Variants in PALM3 observed in about 807,000 individuals in gnomAD.
PALM3 encodes paralemmin 3, also known as paralemmin-3.
PALM3 carries 20 observed loss-of-function variants against 27.9 expected under a neutral mutation model. That is an observed-to-expected ratio of 0.72 (90% confidence interval 0.50 to 1.04). The LOEUF is 1.04. Among genes scored for constraint, PALM3 ranks in the 50% least tolerant of loss-of-function variants. The pLI, the probability that PALM3 is intolerant of heterozygous loss-of-function variation, is 0.00. For synonymous variants in PALM3, 328 were observed against 352.7 expected (o/e 0.93, Z 0.79); for missense variants, 814 against 869.4 (o/e 0.94, Z 0.80).
Position 14,053,424 on chromosome 19 carries a change from G to T in PALM3, c.*181C>A. 1 of 581,512 alleles carries T rather than the reference G, an allele frequency of 1.7e-6. No individual in the cohort carries two copies. The highest frequency in any genetic ancestry group is 2.8e-6 in the Non-Finnish European group (1 of 361,810). 36.0% of individuals were successfully genotyped at this position (581,512 alleles called of 1,614,324 possible). On this transcript the variant is annotated 3_prime_UTR_variant, in exon 7 of 7. Transcript: ENST00000669674. Reference sequence around the variant, plus strand: ...AAGGCTTCATCGCAGAAGGAGGCCAGGGTTACAGGCAGTGGGCAAGGGGTC... The same window carrying T: ...AAGGCTTCATCGCAGAAGGAGGCCATGGTTACAGGCAGTGGGCAAGGGGTC...
intron 1 of PALM3, among the ~76,000 whole-genome samples, 161 bp from the exon 2 acceptor site, chr19:14,059,324 A>G (rs1263043372): frequency 1.3e-5 from 2 of 151,918 alleles, no homozygotes; most frequent in Non-Finnish European, 2.9e-5. Context: ...GGGTCTTGGG[A>G]GGGGAACTGA....
intron 1 of PALM3, among the ~76,000 whole-genome samples, chr19:14,060,911 C>A (rs1020857327): frequency 3.3e-5 from 5 of 152,148 alleles, no homozygotes; most frequent in Non-Finnish European, 7.3e-5. Flanking sequence ...CAGGCGTGCA[C>A]CACCAAGCCC....
Position 14,054,216 on chromosome 19 carries a change from C to T in PALM3, c.1456G>A (p.Asp486Asn). 1 of 1,551,902 alleles carries T rather than the reference C, an allele frequency of 6.4e-7. No homozygotes were observed. Among genetic ancestry groups the T allele is most frequent in the Non-Finnish European group, 8.7e-7 (1 of 1,147,058 alleles). Residue 486 changes from aspartate to asparagine, a missense_variant, in exon 7 of 7, where the codon GAT becomes AAT. Transcript: ENST00000669674. The stretch of plus-strand genomic sequence containing the variant: ...TCCTCTGCCCCTCGCTTTTCCTCAT[C>T]TCCTTCCTTCTCTGCCCTCAAATGT... ...EGHLRAEKEGDEEKRGAEEEE... is the reference protein window; with the variant it reads ...EGHLRAEKEGNEEKRGAEEEE...
In PALM3 at chr19:14,054,322, C is replaced by T. The variant is rs1377844328; in HGVS notation, c.1350G>A (p.Glu450=). ...CCAGCTTTTCTGCACTTCCTCTGCTCTCCAGCTCCAACTTCTTCTCTCCTC... is the reference window on the plus strand; with the variant it reads ...CCAGCTTTTCTGCACTTCCTCTGCTTTCCAGCTCCAACTTCTTCTCTCCTC... ...RKGGEKKLEL[E]SRGSAEKLGT... is the part of the protein sequence containing the mutation. The change falls in exon 7 of 7, where the codon GAG becomes GAA. Residue 450 remains glutamate, a synonymous_variant. Transcript: ENST00000669674. The T allele has an allele frequency of 1.3e-6, 2 of 1,552,286 alleles. No homozygotes were observed. The highest frequency in any genetic ancestry group is 1.7e-6 in the Non-Finnish European group (2 of 1,147,144).
intron 1 of PALM3, among the ~76,000 whole-genome samples, chr19:14,060,923 G>A (rs959448800): frequency 6.6e-6 from 1 of 152,140 alleles, no homozygotes; most frequent in Non-Finnish European, 1.5e-5. Context: ...ACCAAGCCCG[G>A]CTAATTTTTG....
intron 3 of PALM3, chr19:14,057,025 A>C (rs1018734504): frequency 1.7e-6 from 1 of 599,934 alleles, no homozygotes; most frequent in Admixed American, 3.2e-5. Context: ...GCACTTCCAA[A>C]GTGAAATCAA....
In PALM3 at chr19:14,054,377, G is replaced by C; in HGVS notation, c.1295C>G (p.Ala432Gly). The change falls in exon 7 of 7, where the codon GCG becomes GGG. Residue 432 changes from alanine (A) to glycine (G), a missense_variant. Transcript: ENST00000669674. ...EEKPGTGRDEAEMSPVVERKG... is the reference protein window; with the variant it reads ...EEKPGTGRDEGEMSPVVERKG... ...CCTCTCTACCACTGGTGACATCTCC[G>C]CTTCATCCCTCCCTGTCCCTGGCTT... 6.4e-7 allele frequency: 1 copy of C among 1,551,694 alleles called. No homozygotes were observed. Among genetic ancestry groups the C allele is most frequent in the Non-Finnish European group, 8.7e-7 (1 of 1,147,026 alleles).
Position 14,054,267 on chromosome 19 carries a change from G to A in PALM3, c.1405C>T (p.Leu469=). Residue 469 remains leucine (L), a synonymous_variant, in exon 7 of 7, where the codon CTG becomes TTG. Transcript: ENST00000669674. Reference sequence around the variant, plus strand: ...CCCTCAACTTTTCTCTCTATGCCCAGTGGTTCCTCACCTCCTTCCCTCTCT... The same window carrying A: ...CCCTCAACTTTTCTCTCTATGCCCAATGGTTCCTCACCTCCTTCCCTCTCT... ...GTEREGGEEP[L]GIERKVEGHL... 1 of 1,551,734 alleles carries A rather than the reference G, an allele frequency of 6.4e-7. No homozygotes were observed.
chr19:14,061,449 G>A (rs1414969060), intron 1 of PALM3, among the ~76,000 whole-genome samples: 1 of 152,150 alleles, frequency 6.6e-6, no homozygotes, highest in Non-Finnish European at 1.5e-5. Context: ...GAAGAACAAC[G>A]TAGGCGGCCT....
intron 5 of PALM3, 125 bp downstream of exon 5, chr19:14,056,304 G>T (rs1199636737): frequency 4.3e-5 from 40 of 939,076 alleles, no homozygotes; most frequent in Non-Finnish European, 6.0e-5. Context: ...AAAGCGGGAA[G>T]CGGATCTGAA....
chr19:14,057,936 C>T (rs904243715), intron 2 of PALM3, among the ~76,000 whole-genome samples: 1 of 152,064 alleles, frequency 6.6e-6, no homozygotes, highest in African/African-American at 2.4e-5. Flanking sequence ...GGTGAAAACC[C>T]GGCTCTACTA....
chr19:14,061,365 A>G (rs914968444), intron 1 of PALM3, among the ~76,000 whole-genome samples: 2 of 152,124 alleles, frequency 1.3e-5, no homozygotes, highest in African/African-American at 4.8e-5. Context: ...TTTAACCTTA[A>G]AAAACTCTCA....
At chr19:14,058,982 C>T in intron 2 of PALM3, 133 bp downstream of exon 2, 1 of 741,062 alleles carries the variant, frequency 1.3e-6, no homozygotes, top group Non-Finnish European at 2.0e-6. Flanking sequence ...GCAGAGGGGG[C>T]TGGAGAATTG....
intron 1 of PALM3, among the ~76,000 whole-genome samples, chr19:14,059,513 TG>T (rs1477886963): frequency 1.3e-5 from 2 of 152,094 alleles, no homozygotes; most frequent in Non-Finnish European, 2.9e-5. Flanking sequence ...TAGGGTACAG[TG>T]CTACAAAAAT....
At chr19:14,055,745 T>C (rs1015048371) in intron 5 of PALM3, among the ~76,000 whole-genome samples, 8 of 152,170 alleles carry the variant, frequency 5.3e-5, no homozygotes, top group Admixed American at 6.5e-5. Context: ...CCAATCAACA[T>C]AAATACAAAT....
At chr19:14,057,311 CA>C in intron 3 of PALM3, 39 bp downstream of exon 3, 8 of 1,490,088 alleles carry the variant, frequency 5.4e-6, no homozygotes, top group Non-Finnish European at 7.3e-6. Context: ...CCCCCCACTC[CA>C]TTCCCCAGGC....
In PALM3 at chr19:14,055,154, T is replaced by C. The variant is rs1038052505; in HGVS notation, c.518A>G (p.Glu173Gly). ...LVGTPPESPSEPREDVLGFLP... is the reference protein window; with the variant it reads ...LVGTPPESPSGPREDVLGFLP... The stretch of plus-strand genomic sequence containing the variant: ...AAACCCCAAGACATCCTCCCTGGGC[T>C]CAGAGGGGGACTCTGGAGGCGTGCC... The change falls in exon 7 of 7, where the codon GAG (glutamate) becomes GGG (glycine). Residue 173 changes from glutamate to glycine, a missense_variant. Transcript: ENST00000669674. 1 of 1,548,652 alleles carries C rather than the reference T, an allele frequency of 6.5e-7. No homozygotes were observed. The highest frequency in any genetic ancestry group is 8.7e-7 in the Non-Finnish European group (1 of 1,146,540).
intron 1 of PALM3, among the ~76,000 whole-genome samples, chr19:14,061,297 G>A (rs1976410427): frequency 6.6e-6 from 1 of 152,140 alleles, no homozygotes; most frequent in African/African-American, 2.4e-5. Context: ...GGTCCCTAGT[G>A]TGGGGGGAAG....
rs747854333 is a variant in PALM3 at position 14,053,737 on chromosome 19, G to A, written c.1935C>T (p.Pro645=). 2 of 1,531,240 alleles carry A rather than the reference G, an allele frequency of 1.3e-6. No homozygotes were observed. The highest frequency in any genetic ancestry group is 1.8e-6 in the Non-Finnish European group (2 of 1,137,786). 94.9% of individuals were successfully genotyped at this position (1,531,240 alleles called of 1,614,324 possible). The change falls in exon 7 of 7, where the codon CCC becomes CCT. Residue 645 remains proline, a synonymous_variant. Transcript: ENST00000669674. The part of the protein sequence containing the change: ...ECQPLLQGEG[P]SANPSAHPVP... ...CAGGGTGGGCACTGGGGTTGGCGCT[G>A]GGCCCCTCCCCCTGAAGCAGTGGCT... is the stretch of plus-strand genomic sequence containing the variant.
Sources: gnomAD v4.1 joint callset for allele counts (sites outside exome capture counted in the v4.1 genomes callset) on GRCh38, gnomAD v4.1.1 for gene constraint, MANE v1.5 for transcripts, NCBI Gene and HGNC (gene_info 2026-07-23, HGNC 2026-07-21) for gene names.